The following RPS24 variants were observed in gnomAD, a reference collection of about 807,000 sequenced individuals.
RPS24 encodes the protein small ribosomal subunit protein eS24.
For missense variants in RPS24, 100 were observed against 162.5 expected (o/e 0.62, Z 2.09); for synonymous variants, 72 against 55.6 (o/e 1.30, Z -1.31).
chr10:78,051,491 A>G (rs1453391881), intron 4 of RPS24, among the ~76,000 whole-genome samples: 2 of 152,118 alleles, frequency 1.3e-5, no homozygotes, highest in Non-Finnish European at 2.9e-5. Context: ...CAGTTGATGG[A>G]TATTTGTGTT....
At chr10:78,035,800 G>C (rs1847853422) in intron 3 of RPS24, 80 bp downstream of exon 3, 1 of 1,176,844 alleles carries the variant, frequency 8.5e-7, no homozygotes, top group African/African-American at 1.5e-5. Context: ...TGGTAAAAAG[G>C]GCAAGACCAA....
intron 4 of RPS24, among the ~76,000 whole-genome samples, chr10:78,049,949 A>G (rs542106325): frequency 6.6e-6 from 1 of 152,346 alleles, no homozygotes; most frequent in Non-Finnish European, 1.5e-5. Flanking sequence ...TTGCCACAGC[A>G]GGAAGAAAAT....
At position 78,037,182 on chromosome 10, in the gene RPS24, T is replaced by C. The variant is rs1338243805; in HGVS notation, c.280-12T>C. On this transcript the variant is annotated splice_polypyrimidine_tract_variant and intron_variant, in intron 3 of 5. Coordinates refer to ENST00000372360, the MANE Select transcript of RPS24 (RefSeq NM_033022.4). ...TTTACAAGTCACCTGGATGTACTCT[T>C]TTCTCATTCAGCATGGCCTGTATGA... 1.9e-6 allele frequency: 3 copies of C among 1,592,974 alleles called. No individual in the cohort carries two copies. The highest frequency in any genetic ancestry group is 2.6e-6 in the Non-Finnish European group (3 of 1,170,098).
At chr10:78,047,584 GAGA>G (rs1848058264) in intron 4 of RPS24, among the ~76,000 whole-genome samples, 1 of 152,212 alleles carries the variant, frequency 6.6e-6, no homozygotes, top group Non-Finnish European at 1.5e-5. Flanking sequence ...TTTCTTCTCA[GAGA>G]AGGTCTAATG....
intron 1 of RPS24, 22 bp downstream of exon 1, chr10:78,033,926 C>G (rs373681209): frequency 6.2e-7 from 1 of 1,613,800 alleles, no homozygotes; most frequent in African/African-American, 1.3e-5. Flanking sequence ...TGGGCCCGTG[C>G]AGTCATCTGC....
downstream of RPS24, among the ~76,000 whole-genome samples, chr10:78,044,808 G>A (rs76823091): frequency 2.1e-3 from 320 of 150,448 alleles, 1 homozygote; most frequent in African/African-American, 7.6e-3. Context: ...CTTGTTCAGT[G>A]TTTTGGTTAA....
intron 4 of RPS24, among the ~76,000 whole-genome samples, chr10:78,050,842 C>T (rs1438897359): frequency 6.6e-6 from 1 of 152,022 alleles, no homozygotes; most frequent in Non-Finnish European, 1.5e-5. Context: ...CGCCTCCTGG[C>T]CTCAAGCTAT....
At position 78,040,650 on chromosome 10, in the gene RPS24, T is replaced by G. The variant is rs1248859644; in HGVS notation, c.*55T>G. 6.2e-7 allele frequency: 1 copy of G among 1,614,144 alleles called. No individual in the cohort carries two copies. The highest frequency in any genetic ancestry group is 1.7e-5 in the Admixed American group (1 of 60,032). On this transcript the variant is annotated 3_prime_UTR_variant, in exon 6 of 6. Coordinates refer to ENST00000372360, the MANE Select transcript of RPS24 (RefSeq NM_033022.4). ...AAAGGTGCTGCAATGATGTTAGCTG[T>G]GGCCACTGTGGATTTTTCGCAAGAA...
intron 1 of RPS24, 27 bp from the exon 2 acceptor site, chr10:78,035,325 T>C (rs1053058416): frequency 1.2e-6 from 2 of 1,611,500 alleles, no homozygotes; most frequent in East Asian, 4.5e-5. Context: ...GGAGTAGTTT[T>C]ATTAACCAGA....
downstream of RPS24, chr10:78,040,718 G>T (rs1013218033): frequency 6.3e-7 from 1 of 1,593,050 alleles, no homozygotes; most frequent in East Asian, 2.2e-5. Flanking sequence ...TGTTTGAAAT[G>T]TATTTGCAGT....
chr10:78,046,663 C>T (rs1432821508), intron 4 of RPS24, among the ~76,000 whole-genome samples: 2 of 152,078 alleles, frequency 1.3e-5, no homozygotes, highest in African/African-American at 2.4e-5. Context: ...CCTCATTTAC[C>T]TGCACTCGGA....
In RPS24 at chr10:78,050,273, C is replaced by T. The variant is rs77960168; in HGVS notation, c.391-4258C>T. Reference sequence around the variant, plus strand: ...AAACTTCCGGCCAGATTAGTTAGACCTGCATCCTCCTTGCCACTTCCCAGG... The same window carrying T: ...AAACTTCCGGCCAGATTAGTTAGACTTGCATCCTCCTTGCCACTTCCCAGG... On this transcript the variant is annotated intron_variant, in intron 4 of 4. Coordinates refer to the RPS24 transcript ENST00000440692. Among the ~76,000 whole-genome samples the T allele has an allele frequency of 1.8e-3, 280 of 152,254 alleles. 2 individuals are homozygous for T. Among genetic ancestry groups the T allele is most frequent in the African/African-American group, 6.2e-3 (259 of 41,532 alleles).
chr10:78,033,866 T>C lies in RPS24; in HGVS notation c.-36T>C. 2 of 1,613,862 alleles carry C rather than the reference T, an allele frequency of 1.2e-6. No homozygotes were observed. The highest frequency in any genetic ancestry group is 1.7e-6 in the Non-Finnish European group (2 of 1,179,842). ...GATTGGCCGGCGAATCGTGGTTCTC[T>C]TTTCCTCCTTGGCTGTCTGAAGATA... On this transcript the variant is annotated 5_prime_UTR_variant, in exon 1 of 6. Transcript: ENST00000372360.
chr10:78,050,380 G>C (rs1315843292), intron 4 of RPS24, among the ~76,000 whole-genome samples: 1 of 152,184 alleles, frequency 6.6e-6, no homozygotes, highest in African/African-American at 2.4e-5. Context: ...GGGAAGGTTT[G>C]AGGGCAGGAG....
Position 78,035,500 on chromosome 10 carries a change from T to C in RPS24, c.70-11T>C, listed in dbSNP as rs774058094. 6.2e-6 allele frequency: 10 copies of C among 1,613,838 alleles called. No individual in the cohort carries two copies. In the East Asian group the frequency reaches 6.7e-5, roughly 11 times the overall value. ...ATCATACTGAATGCTAAACTTGATA[T>C]CTCCTTTTAGGTCATTGATGTCCTT... On this transcript the variant is annotated splice_polypyrimidine_tract_variant and intron_variant, in intron 2 of 5. Coordinates refer to ENST00000372360, the MANE Select transcript of RPS24 (RefSeq NM_033022.4).
chr10:78,050,751 C>T (rs1233113217), intron 4 of RPS24, among the ~76,000 whole-genome samples: 1 of 152,240 alleles, frequency 6.6e-6, no homozygotes, highest in Non-Finnish European at 1.5e-5. Context: ...ACTAGGACTA[C>T]AGGTGCACAG....
intron 3 of RPS24, chr10:78,035,960 G>A (rs534594726): frequency 1.4e-4 from 72 of 514,290 alleles, no homozygotes; most frequent in African/African-American, 1.3e-3. Flanking sequence ...TGGGCTAGGG[G>A]TAAGGATTGT....
intron 4 of RPS24, 200 bp from the exon 5 acceptor site, chr10:78,040,004 A>G (rs1029036141): frequency 1.5e-6 from 1 of 668,628 alleles, no homozygotes; most frequent in Admixed American, 2.1e-5. Flanking sequence ...CAGGCAAGGC[A>G]TTGTCAGAAT....
intron 3 of RPS24, among the ~76,000 whole-genome samples, chr10:78,036,901 G>A (rs1257504153): frequency 6.6e-6 from 1 of 152,110 alleles, no homozygotes. Flanking sequence ...TAGTGCAAAA[G>A]AAGAAAAAAT....
Sources: gnomAD v4.1 joint callset for allele counts (sites outside exome capture counted in the v4.1 genomes callset) on GRCh38, gnomAD v4.1.1 for gene constraint, MANE v1.5 for transcripts, NCBI Gene and HGNC (gene_info 2026-07-23, HGNC 2026-07-21) for gene names.